ROCK2: variants seen among roughly 807,000 people sequenced by gnomAD.
ROCK2 encodes rho-associated protein kinase 2.
ROCK2 carries 61 observed loss-of-function variants against 195.1 expected under a neutral mutation model. The observed-to-expected ratio is 0.31, with a 90% CI of 0.25 to 0.39. The LOEUF is 0.39. ROCK2 is among the 10% of genes least tolerant of loss of function. The pLI is 1.00. For missense variants in ROCK2, 1,109 were observed against 1,637.4 expected, an observed-to-expected ratio of 0.68 and a Z score of 5.57; for synonymous variants, 504 against 545.5, an observed-to-expected ratio of 0.92 and a Z score of 1.06.
chr2:11,243,975 T>C (rs1665523235), intron 4 of ROCK2, among the ~76,000 whole-genome samples: 1 of 152,188 alleles, frequency 6.6e-6, no homozygotes. Context: ...TAGTGGATAA[T>C]TATAGTACGT....
At chr2:11,313,497 TG>T (rs1048411632) in intron 1 of ROCK2, among the ~76,000 whole-genome samples, 3 of 152,074 alleles carry the variant, frequency 2.0e-5, no homozygotes, top group Non-Finnish European at 4.4e-5. Context: ...TGCATTTCTT[TG>T]GTGAATTGTC....
intron 9 of ROCK2, among the ~76,000 whole-genome samples, chr2:11,219,597 C>G (rs1392345516): frequency 6.6e-6 from 1 of 152,074 alleles, no homozygotes; most frequent in African/African-American, 2.4e-5. Context: ...TTTGTTTGCA[C>G]CAGACTCACT....
At chr2:11,292,541 A>G (rs1572370882) in intron 1 of ROCK2, among the ~76,000 whole-genome samples, 1 of 152,284 alleles carries the variant, frequency 6.6e-6, no homozygotes, top group Non-Finnish European at 1.5e-5. Flanking sequence ...ATAAAATAAT[A>G]AACTTAATTA....
chr2:11,238,207 A>AGT (rs764814189), intron 4 of ROCK2, among the ~76,000 whole-genome samples: 943 of 36,058 alleles, frequency 0.026, 17 homozygotes, highest in African/African-American at 0.081. Context: ...AAATTGAGAA[A>AGT]GAGTGTGTGT....
intron 1 of ROCK2, among the ~76,000 whole-genome samples, chr2:11,337,013 C>A (rs894656477): frequency 6.6e-6 from 1 of 152,100 alleles, no homozygotes; most frequent in Non-Finnish European, 1.5e-5. Context: ...GAGGCCAAGG[C>A]GGGTGGATCA....
intron 9 of ROCK2, among the ~76,000 whole-genome samples, chr2:11,219,301 A>ACT (rs1664541773): frequency 7.7e-6 from 1 of 130,424 alleles, no homozygotes; most frequent in South Asian, 2.8e-4. Context: ...GGAGTTCGAG[A>ACT]CCAGTGTGAT....
intron 3 of ROCK2, among the ~76,000 whole-genome samples, chr2:11,268,522 CTG>C (rs70953378): frequency 0.024 from 3,347 of 140,560 alleles, 35 homozygotes; most frequent in African/African-American, 0.029. Context: ...CAGTTTTGCA[CTG>C]TGTGTGTGTG....
At chr2:11,320,308 G>A (rs1668362582) in intron 1 of ROCK2, among the ~76,000 whole-genome samples, 1 of 152,062 alleles carries the variant, frequency 6.6e-6, no homozygotes, top group African/African-American at 2.4e-5. Flanking sequence ...AGCTATTTGG[G>A]CCACTGCCAT....
At chr2:11,342,618 A>T (rs1372829209) in intron 1 of ROCK2, among the ~76,000 whole-genome samples, 1 of 152,194 alleles carries the variant, frequency 6.6e-6, no homozygotes, top group Non-Finnish European at 1.5e-5. Context: ...CAAAGTGAAA[A>T]TGCTGGGAGT....
chr2:11,300,498 A>T (rs947203054), intron 1 of ROCK2, among the ~76,000 whole-genome samples: 1 of 152,168 alleles, frequency 6.6e-6, no homozygotes, highest in African/African-American at 2.4e-5. Context: ...TCCAGACCTC[A>T]GGTGATCCAC....
chr2:11,223,187 C>T (rs1664695157), intron 7 of ROCK2, among the ~76,000 whole-genome samples: 1 of 152,116 alleles, frequency 6.6e-6, no homozygotes, highest in Admixed American at 6.6e-5. Context: ...TTGAGTTTAT[C>T]AGCACCAACT....
intron 23 of ROCK2, among the ~76,000 whole-genome samples, chr2:11,200,546 A>G (rs986731704): frequency 6.6e-6 from 1 of 152,100 alleles, no homozygotes; most frequent in African/African-American, 2.4e-5. Flanking sequence ...CTGTTCTAAT[A>G]CCAGACTTTT....
chr2:11,246,973 G>T (rs1665639019), intron 4 of ROCK2, among the ~76,000 whole-genome samples: 1 of 152,156 alleles, frequency 6.6e-6, no homozygotes, highest in Admixed American at 6.5e-5. Flanking sequence ...ATTAAGTGAT[G>T]AATGAACGAA....
At chr2:11,188,272 G>T (rs1056062032) in intron 32 of ROCK2, among the ~76,000 whole-genome samples, 3 of 151,846 alleles carry the variant, frequency 2.0e-5, no homozygotes. Flanking sequence ...ACCACGCCTG[G>T]CTAATTTTTG....
chr2:11,245,836 C>T (rs1231614321), intron 4 of ROCK2, among the ~76,000 whole-genome samples: 1 of 152,182 alleles, frequency 6.6e-6, no homozygotes, highest in Non-Finnish European at 1.5e-5. Context: ...ACATATCACA[C>T]AGGTTTTAAG....
chr2:11,251,998 A>T (rs902130948), intron 3 of ROCK2, among the ~76,000 whole-genome samples: 17 of 152,248 alleles, frequency 1.1e-4, no homozygotes, highest in Admixed American at 7.2e-4. Flanking sequence ...CAATCATTAA[A>T]AAGTCAGGAA....
At chr2:11,220,999 G>T (rs1232598248) in intron 9 of ROCK2, among the ~76,000 whole-genome samples, 199 bp downstream of exon 9, 1 of 152,004 alleles carries the variant, frequency 6.6e-6, no homozygotes, top group African/African-American at 2.4e-5. Context: ...AATGTAGAAT[G>T]GTGTCTTGCA....
chr2:11,186,324 C>G (rs913888633), intron 32 of ROCK2, among the ~76,000 whole-genome samples: 2 of 152,184 alleles, frequency 1.3e-5, no homozygotes, highest in African/African-American at 4.8e-5. Context: ...TCAGCTTTAG[C>G]ATAGGTTAGG....
intron 1 of ROCK2, among the ~76,000 whole-genome samples, chr2:11,295,990 G>GAGAGAGGA (rs1553313903): frequency 3.5e-5 from 1 of 28,394 alleles, no homozygotes; most frequent in Non-Finnish European, 9.1e-5. Flanking sequence ...GAGAGAGAGA[G>GAGAGAGGA]GAGAGAGAGA....
Sources: gnomAD v4.1 joint callset for allele counts (sites outside exome capture counted in the v4.1 genomes callset) on GRCh38, gnomAD v4.1.1 for gene constraint, MANE v1.5 for transcripts, NCBI Gene and HGNC (gene_info 2026-07-23, HGNC 2026-07-21) for gene names.